MID2: variants seen among roughly 807,000 people sequenced by gnomAD.
The protein encoded by MID2 is midline 2, also known as probable E3 ubiquitin-protein ligase MID2.
A neutral mutation model predicts 46.1 loss-of-function variants in MID2; 13 were observed. The ratio of observed to expected loss-of-function variants is 0.28; its 90% CI spans 0.18 to 0.45. The LOEUF (loss-of-function observed/expected upper bound fraction) is 0.45. Ranked by LOEUF, MID2 falls within the 20% of genes least tolerant of loss-of-function variation. The probability of loss-of-function intolerance (pLI) is 1.00; values close to 1 mark genes in which losing one functional copy is unlikely to be tolerated. For missense variants in MID2, 431 were observed against 575.4 expected (o/e 0.75, Z 2.57); for synonymous variants, 199 against 212.3 (o/e 0.94, Z 0.55).
chrX:107,843,543 G>A (rs753897316), intron 2 of MID2, among the ~76,000 whole-genome samples: 1 of 111,454 alleles, frequency 9.0e-6, no homozygotes, highest in South Asian at 3.7e-4. Context: ...TAAATTAAGT[G>A]GAAACTATTT....
intron 3 of MID2, among the ~76,000 whole-genome samples, chrX:107,861,472 T>C (rs148761455): frequency 0.02 from 2,188 of 110,015 alleles, 66 homozygotes; most frequent in African/African-American, 0.069. Flanking sequence ...ATACAAAAAT[T>C]TGCCAGGTGT....
At chrX:107,863,954 C>T (rs1222592803) in intron 3 of MID2, among the ~76,000 whole-genome samples, 2 of 112,275 alleles carry the variant, frequency 1.8e-5, no homozygotes, top group African/African-American at 6.5e-5. Flanking sequence ...TTATGACAAT[C>T]CTGTGATACA....
At chrX:107,862,444 T>C (rs1212793816) in intron 3 of MID2, among the ~76,000 whole-genome samples, 2 of 111,982 alleles carry the variant, frequency 1.8e-5, no homozygotes, top group Non-Finnish European at 3.8e-5. Context: ...AAATATTGGG[T>C]ACCTTGGCCA....
At chrX:107,915,328 G>A (rs990746623) in intron 5 of MID2, among the ~76,000 whole-genome samples, 2 of 112,009 alleles carry the variant, frequency 1.8e-5, no homozygotes, top group South Asian at 7.5e-4. Context: ...AGGCCAAAAC[G>A]GGTGGATCAC....
intron 3 of MID2, among the ~76,000 whole-genome samples, chrX:107,864,748 G>C (rs765720173): frequency 6.3e-5 from 7 of 111,927 alleles, no homozygotes; most frequent in Non-Finnish European, 1.1e-4. Flanking sequence ...TCAAAAAAGA[G>C]TGAATGCATT....
Position 107,840,898 on chromosome X carries a change from C to T in MID2, c.233C>T (p.Thr78Ile), listed in dbSNP as rs1453567899. The change falls in exon 2 of 10, where the codon ACC becomes ATC. Residue 78 changes from threonine (T) to isoleucine (I), a missense_variant. By Grantham distance (89) the Thr-to-Ile change is moderately conservative. Transcript: ENST00000262843. ...CCCATTACTGCTTTCCAGTGTCCTA[C>T]CTGCAGGTATGTTATCTCGCTGAAC... The part of the protein sequence containing the change: ...IEPITAFQCP[T>I]CRYVISLNHR... The T allele has an allele frequency of 8.3e-7, 1 of 1,209,335 alleles. No homozygotes were observed. The highest frequency in any genetic ancestry group is 1.1e-6 in the Non-Finnish European group (1 of 894,904).
At chrX:107,910,482 G>A (rs973930132) in intron 5 of MID2, among the ~76,000 whole-genome samples, 1 of 110,875 alleles carries the variant, frequency 9.0e-6, no homozygotes, top group African/African-American at 3.3e-5. Context: ...ATATTTCTTT[G>A]ACATATTGAT....
intron 3 of MID2, among the ~76,000 whole-genome samples, chrX:107,863,206 T>C (rs1475677413): frequency 2.7e-5 from 3 of 112,356 alleles, no homozygotes; most frequent in Non-Finnish European, 5.6e-5. Context: ...TTCATTTATG[T>C]CAGTAAAGTA....
At chrX:107,836,518 TG>T (rs1192947282) in intron 1 of MID2, among the ~76,000 whole-genome samples, 2 of 111,368 alleles carry the variant, frequency 1.8e-5, no homozygotes, top group African/African-American at 6.5e-5. Flanking sequence ...CTCAAAGTGT[TG>T]GGATTATAGG....
At chrX:107,879,467 C>T (rs1346531767) in intron 3 of MID2, among the ~76,000 whole-genome samples, 1 of 112,527 alleles carries the variant, frequency 8.9e-6, no homozygotes, top group Non-Finnish European at 1.9e-5. Flanking sequence ...CTGACTCTCT[C>T]CAACATTCAA....
rs1332953632 is a variant in MID2 at position 107,928,093 on chromosome X, T to A, written c.*1020T>A. ...TCCCAAGTACACACAGTTATGAGAATTAGGCTTTTAAAAAGTTGCACAGTG... is the reference window on the plus strand; with the variant it reads ...TCCCAAGTACACACAGTTATGAGAAATAGGCTTTTAAAAAGTTGCACAGTG... On this transcript the variant is annotated 3_prime_UTR_variant, in exon 10 of 10. Transcript: ENST00000262843. Among the ~76,000 whole-genome samples the A allele has an allele frequency of 9.0e-6, 1 of 111,660 alleles. No individual in the cohort carries two copies. The highest frequency in any genetic ancestry group is 2.8e-4 in the East Asian group (1 of 3,575).
At position 107,854,847 on chromosome X, in the gene MID2, A is replaced by G. The variant is rs1931706956; in HGVS notation, c.816+143A>G. 3 of 445,083 alleles carry G rather than the reference A, an allele frequency of 6.7e-6. No individual in the cohort carries two copies. In the South Asian group the frequency reaches 1.2e-4, roughly 17 times the overall value. The allele number at this position is 445,083 out of a possible 1,213,427, so 36.7% of individuals were successfully genotyped here. A position where few individuals can be genotyped will look rare whatever the true frequency, so the allele number is the denominator to read the frequency against. On this transcript the variant is annotated intron_variant, in intron 3 of 9. Transcript: ENST00000262843. ...TTTTAGAAAGTCTCATTCCTTTAGG[A>G]TGCTTGTTCCAAAAAAAGTGTCAGA... is the stretch of plus-strand genomic sequence containing the variant.
chrX:107,880,563 C>G (rs770632410), intron 3 of MID2, among the ~76,000 whole-genome samples: 1 of 111,227 alleles, frequency 9.0e-6, no homozygotes, highest in Non-Finnish European at 1.9e-5. Context: ...CATTCATGGT[C>G]AGATCTACAA....
chrX:107,829,344 C>T (rs1409539483), intron 1 of MID2, among the ~76,000 whole-genome samples: 1 of 111,864 alleles, frequency 8.9e-6, no homozygotes, highest in Non-Finnish European at 1.9e-5. Flanking sequence ...AATACATGTT[C>T]AACTGAATGA....
chrX:107,875,259 A>T (rs188880470), intron 3 of MID2, among the ~76,000 whole-genome samples: 1 of 111,887 alleles, frequency 8.9e-6, no homozygotes, highest in African/African-American at 3.2e-5. Flanking sequence ...TTGAGATAGC[A>T]GGGTATACAG....
At position 107,840,918 on chromosome X, in the gene MID2, C is replaced by G. The variant is rs1443809350; in HGVS notation, c.253C>G (p.Leu85Val). 2 of 1,211,400 alleles carry G rather than the reference C, an allele frequency of 1.7e-6. No individual in the cohort carries two copies. Among genetic ancestry groups the G allele is most frequent in the South Asian group, 3.5e-5 (2 of 56,940 alleles). Reference sequence around the variant, plus strand: ...TCCTACCTGCAGGTATGTTATCTCGCTGAACCACCGGGGCCTGGATGGCCT... The same window carrying G: ...TCCTACCTGCAGGTATGTTATCTCGGTGAACCACCGGGGCCTGGATGGCCT... Reference protein sequence around the residue: ...QCPTCRYVISLNHRGLDGLKR... With the variant: ...QCPTCRYVISVNHRGLDGLKR... Residue 85 changes from leucine to valine, a missense_variant, in exon 2 of 10, where the codon CTG becomes GTG. Transcript: ENST00000262843.
chrX:107,838,452 C>T (rs1302886167), intron 1 of MID2, among the ~76,000 whole-genome samples: 1 of 111,967 alleles, frequency 8.9e-6, no homozygotes. Context: ...CTTTCAAGCA[C>T]CTGTAAATTC....
In MID2 at chrX:107,910,794, TTTCC is replaced by T. The variant is rs1283780302; in HGVS notation, c.1073+5171_1073+5174del. ...TTTCCTTTCCTTTCCTTTCCTTTCC[TTTCC>T]TTTCCTTTCCTTTCCTTTCCTTTCC... On this transcript the variant is annotated intron_variant, in intron 5 of 9. Transcript: ENST00000262843. Among the ~76,000 whole-genome samples, 57 of 15,523 alleles carry T rather than the reference TTTCC, an allele frequency of 3.7e-3. No individual in the cohort carries two copies. The African/African-American group carries it at 0.044, about 12-fold the overall frequency. 13.5% of individuals were successfully genotyped at this position (15,523 alleles called of 115,157 possible). A position where few individuals can be genotyped will look rare whatever the true frequency, so the allele number is the denominator to read the frequency against.
At chrX:107,883,132 A>G (rs779845131) in intron 3 of MID2, among the ~76,000 whole-genome samples, 2 of 111,503 alleles carry the variant, frequency 1.8e-5, no homozygotes, top group South Asian at 3.8e-4. Context: ...GTTCTCACTC[A>G]TAAGTGGGAA....
Sources: gnomAD v4.1 joint callset for allele counts (sites outside exome capture counted in the v4.1 genomes callset) on GRCh38, gnomAD v4.1.1 for gene constraint, MANE v1.5 for transcripts, NCBI Gene and HGNC (gene_info 2026-07-23, HGNC 2026-07-21) for gene names.